Variants in SHQ1 observed in about 807,000 individuals in gnomAD.
The protein encoded by SHQ1 is protein SHQ1 homolog.
A neutral mutation model predicts 53.8 loss-of-function variants in SHQ1; 49 were observed. That is an observed-to-expected ratio of 0.91 (90% confidence interval 0.72 to 1.16). The LOEUF is 1.16. SHQ1 is among the 50% of genes most tolerant of loss of function. The probability of loss-of-function intolerance (pLI) is 0.00; values close to 1 mark genes in which losing one functional copy is unlikely to be tolerated. For synonymous variants in SHQ1, 243 were observed against 251.0 expected (o/e 0.97, Z 0.30); for missense variants, 738 against 683.1 (o/e 1.08, Z -0.90).
chr3:72,773,483 T>TA (rs1363682251), intron 10 of SHQ1: 4,142 of 154,080 alleles, frequency 0.027, 15 homozygotes, highest in South Asian at 0.041. Context: ...AAAGACAGCT[T>TA]AAAAAAAAAA....
intron 4 of SHQ1, among the ~76,000 whole-genome samples, chr3:72,837,507 CA>C (rs1404871958): frequency 1.3e-5 from 2 of 151,662 alleles, no homozygotes; most frequent in Non-Finnish European, 2.9e-5. Context: ...TTATTAGAAA[CA>C]AAAAAGCCAT....
the SHQ1 span, among the ~76,000 whole-genome samples, chr3:72,730,703 C>T: frequency 6.6e-6 from 1 of 152,186 alleles, no homozygotes; most frequent in Non-Finnish European, 1.5e-5. Flanking sequence ...ATGGCCCTTT[C>T]ATCTCTTAGA....
At chr3:72,837,947 G>C (rs532516375) in intron 4 of SHQ1, among the ~76,000 whole-genome samples, 4 of 136,204 alleles carry the variant, frequency 2.9e-5, no homozygotes, top group South Asian at 4.2e-4. Context: ...GGAATCTTGG[G>C]CTTACACTTG....
Position 72,750,700 on chromosome 3 carries a change from G to A in SHQ1, c.1318C>T (p.His440Tyr). 1 of 1,590,140 alleles carries A rather than the reference G, an allele frequency of 6.3e-7. No homozygotes were observed. Among genetic ancestry groups the A allele is most frequent in the Non-Finnish European group, 8.6e-7 (1 of 1,167,084 alleles). Residue 440 changes from histidine to tyrosine, a missense_variant, in exon 11 of 11, where the codon CAT becomes TAT. Physicochemically the swap from His to Tyr is moderately conservative, Grantham distance 83. Coordinates refer to ENST00000325599, the MANE Select transcript of SHQ1 (RefSeq NM_018130.3). ...AGTGTCTGCTGCCCAGAAACTGAAT[G>A]GGCTGCTTTTAATGCAGTTTCTTCC... The part of the protein sequence containing the change: ...QEEETALKAA[H>Y]SVSGQQTLCS...
chr3:72,833,221 T>C (rs1707875250), intron 4 of SHQ1, among the ~76,000 whole-genome samples: 1 of 152,080 alleles, frequency 6.6e-6, no homozygotes, highest in East Asian at 1.9e-4. Context: ...GCAGGCAGAC[T>C]GCTTGAGCCC....
intron 10 of SHQ1, among the ~76,000 whole-genome samples, chr3:72,791,579 A>AG (rs1706438662): frequency 6.6e-6 from 1 of 152,222 alleles, no homozygotes; most frequent in Non-Finnish European, 1.5e-5. Flanking sequence ...TCCACACTAA[A>AG]GCATTTATTT....
At chr3:72,731,816 G>A in the SHQ1 span, among the ~76,000 whole-genome samples, 1 of 151,518 alleles carries the variant, frequency 6.6e-6, no homozygotes, top group African/African-American at 2.4e-5. Flanking sequence ...TTTCCAAAGT[G>A]CAAAAAGCCA....
intron 10 of SHQ1, among the ~76,000 whole-genome samples, chr3:72,763,728 G>C (rs1269585211): frequency 6.6e-6 from 1 of 152,198 alleles, no homozygotes; most frequent in Non-Finnish European, 1.5e-5. Flanking sequence ...TATGCCAGGG[G>C]ATGTCTAGGG....
chr3:72,731,578 C>T, the SHQ1 span, among the ~76,000 whole-genome samples: 4 of 150,602 alleles, frequency 2.7e-5, no homozygotes, highest in African/African-American at 9.8e-5. Context: ...ATCCCAGCTA[C>T]TTGGGAGGCT....
downstream of SHQ1, among the ~76,000 whole-genome samples, chr3:72,748,091 T>G (rs1222164297): frequency 6.6e-6 from 1 of 151,538 alleles, no homozygotes; most frequent in Non-Finnish European, 1.5e-5. Flanking sequence ...TCATAATTCA[T>G]AAGGCATGGT....
In SHQ1 at chr3:72,775,202, CA is replaced by C. The variant is rs560741669; in HGVS notation, c.1181+17713del. Among the ~76,000 whole-genome samples the C allele has an allele frequency of 4.0e-5, 6 of 151,736 alleles. No homozygotes were observed. In the South Asian group the frequency reaches 1.2e-3, roughly 32 times the overall value. On this transcript the variant is annotated intron_variant, in intron 10 of 10. Transcript: ENST00000325599. ...CAAAAATAATTTAAAAACAAAAAAA[CA>C]AAGAGAGAGACAGCATGATTATCAG...
intron 9 of SHQ1, among the ~76,000 whole-genome samples, chr3:72,800,753 C>T (rs189945100): frequency 4.6e-5 from 7 of 152,292 alleles, no homozygotes; most frequent in Admixed American, 4.6e-4. Context: ...TCTCTGTGGT[C>T]TACAGATTTA....
At chr3:72,806,735 A>G (rs912613960) in intron 9 of SHQ1, among the ~76,000 whole-genome samples, 3 of 152,166 alleles carry the variant, frequency 2.0e-5, no homozygotes, top group African/African-American at 7.2e-5. Context: ...TTTACTCACA[A>G]TGTTTACAAC....
intron 10 of SHQ1, among the ~76,000 whole-genome samples, chr3:72,757,816 C>G (rs574388993): frequency 6.6e-6 from 1 of 152,096 alleles, no homozygotes; most frequent in African/African-American, 2.4e-5. Flanking sequence ...CACACCAGGG[C>G]CTATCAGAGG....
chr3:72,730,509 C>T, the SHQ1 span, among the ~76,000 whole-genome samples: 2 of 152,160 alleles, frequency 1.3e-5, no homozygotes, highest in African/African-American at 4.8e-5. Flanking sequence ...TAAAAGGAAC[C>T]AGAGCCAACG....
chr3:72,767,135 G>T (rs537057517), intron 10 of SHQ1, among the ~76,000 whole-genome samples: 1 of 152,120 alleles, frequency 6.6e-6, no homozygotes, highest in African/African-American at 2.4e-5. Context: ...TCCTCCACAC[G>T]GCCATCAGAC....
At chr3:72,784,058 G>A (rs1283505442) in intron 10 of SHQ1, among the ~76,000 whole-genome samples, 1 of 151,366 alleles carries the variant, frequency 6.6e-6, no homozygotes, top group East Asian at 1.9e-4. Flanking sequence ...AGAAACCTGG[G>A]TAGGGTACAT....
At chr3:72,764,898 G>A (rs1705688044) in intron 10 of SHQ1, among the ~76,000 whole-genome samples, 1 of 152,202 alleles carries the variant, frequency 6.6e-6, no homozygotes, top group Non-Finnish European at 1.5e-5. Context: ...AATGGTGGGA[G>A]GTTCCCCCTG....
At chr3:72,751,533 T>C (rs373280037) in intron 10 of SHQ1, among the ~76,000 whole-genome samples, 16,636 of 120,370 alleles carry the variant, frequency 0.14, 1,876 homozygotes, top group Non-Finnish European at 0.16. Flanking sequence ...TATATATACA[T>C]ATACATACAC....
Sources: gnomAD v4.1 joint callset for allele counts (sites outside exome capture counted in the v4.1 genomes callset) on GRCh38, gnomAD v4.1.1 for gene constraint, MANE v1.5 for transcripts, NCBI Gene and HGNC (gene_info 2026-07-23, HGNC 2026-07-21) for gene names.